The following ZNF354B variants were observed in gnomAD, a reference collection of about 807,000 sequenced individuals.
The protein encoded by ZNF354B is zinc finger protein 354B.
ZNF354B carries 10 observed loss-of-function variants against 12.9 expected under a neutral mutation model. That is an observed-to-expected ratio of 0.77 (90% CI 0.48 to 1.31). ZNF354B has a LOEUF of 1.31. Among genes scored for constraint, ZNF354B ranks in the 40% most tolerant of loss-of-function variants. The pLI, the probability that ZNF354B is intolerant of heterozygous loss-of-function variation, is 0.00. For synonymous variants in ZNF354B, 260 were observed against 243.7 expected (o/e 1.07, Z -0.62); for missense variants, 614 against 711.7 (o/e 0.86, Z 1.56).
In ZNF354B at chr5:178,884,031, T is replaced by C. The variant is rs1225403165; in HGVS notation, c.1579T>C (p.Cys527Arg). Reference protein sequence around the residue: ...TGEKPYRCLECGMSFGQSAAL... With the variant: ...TGEKPYRCLERGMSFGQSAAL... The stretch of plus-strand genomic sequence containing the variant: ...AGAGAAACCATATCGATGTTTAGAA[T>C]GTGGGATGTCTTTTGGCCAAAGTGC... The change falls in exon 5 of 5, where the codon TGT becomes CGT. Residue 527 changes from cysteine to arginine, a missense_variant. By Grantham distance (180) the Cys-to-Arg change is radical. Coordinates refer to ENST00000322434, the MANE Select transcript of ZNF354B (RefSeq NM_058230.3). The C allele has an allele frequency of 1.2e-6, 2 of 1,614,042 alleles. No homozygotes were observed. Among genetic ancestry groups the C allele is most frequent in the East Asian group, 2.2e-5 (1 of 44,886 alleles).
intron 4 of ZNF354B, among the ~76,000 whole-genome samples, chr5:178,881,376 C>G (rs975322567): frequency 2.0e-5 from 3 of 152,116 alleles, no homozygotes; most frequent in Non-Finnish European, 4.4e-5. Context: ...CCCAAAATGT[C>G]ATCTGAGGTT....
chr5:178,883,667 C>G lies in ZNF354B; in HGVS notation c.1215C>G (p.Thr405=), dbSNP rs201624865. Residue 405 remains threonine, a synonymous_variant, in exon 5 of 5, where the codon ACC becomes ACG. Transcript: ENST00000322434. ...ASLIQHERIH[T]GEKPYRCNEC... Reference sequence around the variant, plus strand: ...TTATTCAACATGAAAGAATTCACACCGGAGAAAAGCCCTATAGATGCAATG... The same window carrying G: ...TTATTCAACATGAAAGAATTCACACGGGAGAAAAGCCCTATAGATGCAATG... 7.4e-6 allele frequency: 12 copies of G among 1,613,594 alleles called. 1 individual carries two copies. In the African/African-American group the frequency reaches 9.4e-5, roughly 13 times the overall value.
chr5:178,869,613 A>G (rs941303417), intron 4 of ZNF354B, among the ~76,000 whole-genome samples: 7 of 152,162 alleles, frequency 4.6e-5, no homozygotes, highest in Non-Finnish European at 8.8e-5. Flanking sequence ...AGAGAGAAGT[A>G]TTAACAGGCT....
At chr5:178,861,658 C>CG (rs770935910) in intron 2 of ZNF354B, among the ~76,000 whole-genome samples, 56 of 120,682 alleles carry the variant, frequency 4.6e-4, no homozygotes, top group Non-Finnish European at 8.6e-4. Flanking sequence ...TCGCTTGACT[C>CG]GCAGGACACA....
At position 178,884,180 on chromosome 5, in the gene ZNF354B, A is replaced by G. The variant is rs1173609145; in HGVS notation, c.1728A>G (p.Lys576=). The G allele has an allele frequency of 1.9e-6, 3 of 1,613,922 alleles. No individual in the cohort carries two copies. Among genetic ancestry groups the G allele is most frequent in the African/African-American group, 2.7e-5 (2 of 74,918 alleles). Residue 576 remains lysine (K), a synonymous_variant, in exon 5 of 5, where the codon AAA becomes AAG. Transcript: ENST00000322434. ...ATCAAAGAATTCATACTGGAGAGAAACCCTATGAATGTAATGCATGTGGGA... is the reference window on the plus strand; with the variant it reads ...ATCAAAGAATTCATACTGGAGAGAAGCCCTATGAATGTAATGCATGTGGGA... ...IAHQRIHTGE[K]PYECNACGKL...
At chr5:178,870,677 A>C (rs917839177) in intron 4 of ZNF354B, among the ~76,000 whole-genome samples, 11 of 152,212 alleles carry the variant, frequency 7.2e-5, no homozygotes, top group South Asian at 2.1e-4. Context: ...TGAAGCAGCA[A>C]CTGCACACAG....
rs756648976 is a variant in ZNF354B at position 178,883,844 on chromosome 5, A to C, written c.1392A>C (p.Lys464Asn). The stretch of plus-strand genomic sequence containing the variant: ...ATGAGCGAATTCATACTGGAGAAAA[A>C]CCATGTAAATGTAAAGTATGTGGAA... ...IIHERIHTGE[K>N]PCKCKVCGKA... is the part of the protein sequence containing the mutation. The change falls in exon 5 of 5, where the codon AAA becomes AAC. Residue 464 changes from lysine (K) to asparagine (N), a missense_variant. Physicochemically the swap from Lys to Asn is moderately conservative, Grantham distance 94. Coordinates refer to ENST00000322434, the MANE Select transcript of ZNF354B (RefSeq NM_058230.3). 3 of 1,614,004 alleles carry C rather than the reference A, an allele frequency of 1.9e-6. No individual in the cohort carries two copies. Among genetic ancestry groups the C allele is most frequent in the Admixed American group, 1.7e-5 (1 of 60,006 alleles).
In ZNF354B at chr5:178,884,158, A is replaced by G. The variant is rs1298767966; in HGVS notation, c.1706A>G (p.Gln569Arg). 1.1e-5 allele frequency: 18 copies of G among 1,613,972 alleles called. No individual in the cohort carries two copies. The Admixed American group carries it at 2.8e-4, about 25-fold the overall frequency. The change falls in exon 5 of 5, where the codon CAA becomes CGA. Residue 569 changes from glutamine (Q) to arginine (R), a missense_variant. Transcript: ENST00000322434. ...FRQSSSLIAHQRIHTGEKPYE... is the reference protein window; with the variant it reads ...FRQSSSLIAHRRIHTGEKPYE... ...CAAAGCTCATCACTTATTGCACATCAAAGAATTCATACTGGAGAGAAACCC... is the reference window on the plus strand; with the variant it reads ...CAAAGCTCATCACTTATTGCACATCGAAGAATTCATACTGGAGAGAAACCC...
In ZNF354B at chr5:178,884,077, G is replaced by C. The variant is rs1249201536; in HGVS notation, c.1625G>C (p.Arg542Thr). Residue 542 changes from arginine (R) to threonine (T), a missense_variant, in exon 5 of 5, where the codon AGG becomes ACG. By Grantham distance (71) the Arg-to-Thr change is moderately conservative. Coordinates refer to ENST00000322434, the MANE Select transcript of ZNF354B (RefSeq NM_058230.3). ...AGTGCAGCTCTTATACAACATCAGAGGATTCATACAGGAGAAAAACCCTTT... is the reference window on the plus strand; with the variant it reads ...AGTGCAGCTCTTATACAACATCAGACGATTCATACAGGAGAAAAACCCTTT... ...GQSAALIQHQ[R>T]IHTGEKPFKC... 2 of 1,614,022 alleles carry C rather than the reference G, an allele frequency of 1.2e-6. No homozygotes were observed. The highest frequency in any genetic ancestry group is 1.7e-6 in the Non-Finnish European group (2 of 1,179,960).
Position 178,882,894 on chromosome 5 carries a change from C to T in ZNF354B, c.442C>T (p.His148Tyr), listed in dbSNP as rs1194006185. Residue 148 changes from histidine (H) to tyrosine (Y), a missense_variant, in exon 5 of 5, where the codon CAT becomes TAT. Physicochemically the swap from His to Tyr is moderately conservative, Grantham distance 83. Coordinates refer to ENST00000322434, the MANE Select transcript of ZNF354B (RefSeq NM_058230.3). ...NENLQIISVA[H>Y]TKILTVDRSH... ...AAATTTACAAATAATTTCAGTTGCC[C>T]ATACAAAAATCCTTACTGTAGATAG... 1.9e-6 allele frequency: 3 copies of T among 1,598,402 alleles called. No homozygotes were observed. Among genetic ancestry groups the T allele is most frequent in the Non-Finnish European group, 2.6e-6 (3 of 1,176,356 alleles).
chr5:178,860,305 C>T (rs957303439), intron 1 of ZNF354B, among the ~76,000 whole-genome samples, 178 bp downstream of exon 1: 1 of 152,024 alleles, frequency 6.6e-6, no homozygotes, highest in African/African-American at 2.4e-5. Flanking sequence ...CCGCTGCCGA[C>T]GCCCCTGCCT....
chr5:178,877,501 GA>G (rs768875323), intron 4 of ZNF354B, among the ~76,000 whole-genome samples: 1 of 152,116 alleles, frequency 6.6e-6, no homozygotes, highest in Non-Finnish European at 1.5e-5. Context: ...CCCCAAAGCA[GA>G]AAAAGAGGGG....
At chr5:178,868,171 A>G (rs1198424163) in intron 4 of ZNF354B, among the ~76,000 whole-genome samples, 1 of 151,374 alleles carries the variant, frequency 6.6e-6, no homozygotes, top group African/African-American at 2.4e-5. Context: ...TGTGTAAGTG[A>G]CAGGGCCGAG....
At chr5:178,865,711 C>T (rs1158239173) in intron 2 of ZNF354B, among the ~76,000 whole-genome samples, 1 of 152,194 alleles carries the variant, frequency 6.6e-6, no homozygotes, top group Non-Finnish European at 1.5e-5. Flanking sequence ...AATATAGTGT[C>T]TGGCCCATGT....
At chr5:178,879,409 TTGCTCAGC>T (rs1421244431) in intron 4 of ZNF354B, among the ~76,000 whole-genome samples, 7 of 151,890 alleles carry the variant, frequency 4.6e-5, no homozygotes, top group African/African-American at 7.3e-5. Flanking sequence ...AGATGGAGTC[TTGCTCAGC>T]TGCCCAGGCT....
intron 2 of ZNF354B, among the ~76,000 whole-genome samples, chr5:178,863,858 A>C (rs1393900850): frequency 6.6e-6 from 1 of 152,198 alleles, no homozygotes; most frequent in Non-Finnish European, 1.5e-5. Context: ...TTTAACAAAA[A>C]AATTTTTAAA....
intron 4 of ZNF354B, among the ~76,000 whole-genome samples, chr5:178,876,484 G>C (rs985671946): frequency 6.6e-6 from 1 of 152,240 alleles, no homozygotes; most frequent in Non-Finnish European, 1.5e-5. Flanking sequence ...CCTAGGCAGG[G>C]CTGGTGTGAC....
In ZNF354B at chr5:178,884,446, C is replaced by T. The variant is rs1757771976; in HGVS notation, c.*155C>T. On this transcript the variant is annotated 3_prime_UTR_variant, in exon 5 of 5. Transcript: ENST00000322434. ...TTATGGGAAAAGCTTTTATACTTGT[C>T]ACTCACTTTTTAAAATATCCCGAGA... 2 of 769,436 alleles carry T rather than the reference C, an allele frequency of 2.6e-6. No individual in the cohort carries two copies. The highest frequency in any genetic ancestry group is 3.9e-6 in the Non-Finnish European group (2 of 511,176). 47.7% of individuals were successfully genotyped at this position (769,436 alleles called of 1,614,324 possible). A position where few individuals can be genotyped will look rare whatever the true frequency, so the allele number is the denominator to read the frequency against.
intron 4 of ZNF354B, among the ~76,000 whole-genome samples, chr5:178,875,869 C>T (rs1174057179): frequency 6.6e-6 from 1 of 152,146 alleles, no homozygotes; most frequent in East Asian, 1.9e-4. Flanking sequence ...CTATCAGTTG[C>T]CTCTGGGAGT....
Sources: gnomAD v4.1 joint callset for allele counts (sites outside exome capture counted in the v4.1 genomes callset) on GRCh38, gnomAD v4.1.1 for gene constraint, MANE v1.5 for transcripts, NCBI Gene and HGNC (gene_info 2026-07-23, HGNC 2026-07-21) for gene names.